Variants in RYR3 observed in about 807,000 individuals in gnomAD.
RYR3 encodes ryanodine receptor 3.
In RYR3, 207 loss-of-function variants were observed where a neutral mutation model predicts 584.3. The ratio of observed to expected loss-of-function variants is 0.35; its 90% CI spans 0.32 to 0.40. The LOEUF is 0.40. Among genes scored for constraint, RYR3 ranks in the 10% least tolerant of loss-of-function variants. RYR3 has a pLI of 1.00. For synonymous variants in RYR3, 2,416 were observed against 2,248.5 expected (o/e 1.07, Z -2.11); for missense variants, 5,616 against 6,089.2 (o/e 0.92, Z 2.59).
chr15:33,317,349 G>A (rs1479978289), intron 1 of RYR3, among the ~76,000 whole-genome samples: 1 of 152,166 alleles, frequency 6.6e-6, no homozygotes, highest in Non-Finnish European at 1.5e-5. Flanking sequence ...CCCGGATGAA[G>A]CAGATGCTTC....
chr15:33,641,325 C>A (rs1278753707), intron 27 of RYR3, among the ~76,000 whole-genome samples: 1 of 152,204 alleles, frequency 6.6e-6, no homozygotes, highest in Non-Finnish European at 1.5e-5. Flanking sequence ...GTCTCAGTTT[C>A]CTCATCTGTA....
In RYR3 at chr15:33,504,073, G is replaced by C. The variant is rs1374545966; in HGVS notation, c.279+335G>C. Reference sequence around the variant, plus strand: ...GTCTTGAGATTGAGCATGCCTGTGAGGCAGTTTCTTTTTCCTTGGAAAAAC... The same window carrying C: ...GTCTTGAGATTGAGCATGCCTGTGACGCAGTTTCTTTTTCCTTGGAAAAAC... On this transcript the variant is annotated intron_variant, in intron 3 of 103. Coordinates refer to ENST00000634891, the MANE Select transcript of RYR3 (RefSeq NM_001036.6). Among the ~76,000 whole-genome samples, 4 of 152,206 alleles carry C rather than the reference G, an allele frequency of 2.6e-5. No individual in the cohort carries two copies. In the South Asian group the frequency reaches 8.3e-4, roughly 31 times the overall value.
chr15:33,661,139 G>T (rs2063136982), intron 34 of RYR3, among the ~76,000 whole-genome samples: 1 of 152,274 alleles, frequency 6.6e-6, no homozygotes, highest in East Asian at 1.9e-4. Flanking sequence ...TGGCAGGAAA[G>T]GGGCAGAAAA....
intron 1 of RYR3, among the ~76,000 whole-genome samples, chr15:33,362,269 A>G (rs1974872049): frequency 6.6e-6 from 1 of 152,072 alleles, no homozygotes; most frequent in African/African-American, 2.4e-5. Flanking sequence ...TGTGATCCAA[A>G]ATGAACAGCC....
chr15:33,409,453 G>C (rs1173699803), intron 1 of RYR3, among the ~76,000 whole-genome samples: 1 of 151,916 alleles, frequency 6.6e-6, no homozygotes. Flanking sequence ...GTGAACTCTG[G>C]CTGTCTTGGG....
At chr15:33,478,356 C>T (rs1291228096) in intron 2 of RYR3, among the ~76,000 whole-genome samples, 1 of 152,166 alleles carries the variant, frequency 6.6e-6, no homozygotes, top group South Asian at 2.1e-4. Context: ...TGAGAGTCAC[C>T]ATGGCTTAAA....
intron 45 of RYR3, among the ~76,000 whole-genome samples, chr15:33,725,737 A>G (rs944776489): frequency 3.3e-5 from 5 of 151,294 alleles, no homozygotes; most frequent in South Asian, 2.1e-4. Flanking sequence ...AGATGGGCAG[A>G]TCACGAGGTC....
chr15:33,644,258 T>C (rs2152671526), intron 27 of RYR3, 53 bp from the exon 28 acceptor site: 1 of 1,467,570 alleles, frequency 6.8e-7, no homozygotes, highest in South Asian at 1.2e-5. Context: ...TGCCTCGGAG[T>C]TTCCTGGGAT....
At chr15:33,438,823 A>G (rs2045960921) in intron 1 of RYR3, among the ~76,000 whole-genome samples, 1 of 152,240 alleles carries the variant, frequency 6.6e-6, no homozygotes, top group African/African-American at 2.4e-5. Flanking sequence ...ACTCTATTGC[A>G]CATTATTATT....
Position 33,539,477 on chromosome 15 carries a change from A to T in RYR3, c.546+15A>T. ...AAAGATACCTTGTAAGTACCTCATA[A>T]TATAAGAGTCTTCTGTTTTCAGAAA... On this transcript the variant is annotated intron_variant, in intron 6 of 103. Coordinates refer to ENST00000634891, the MANE Select transcript of RYR3 (RefSeq NM_001036.6). 2.7e-6 allele frequency: 4 copies of T among 1,483,848 alleles called. No homozygotes were observed. The highest frequency in any genetic ancestry group is 3.7e-6 in the Non-Finnish European group (4 of 1,077,492). 91.9% of individuals were successfully genotyped at this position (1,483,848 alleles called of 1,614,324 possible).
intron 1 of RYR3, among the ~76,000 whole-genome samples, chr15:33,426,253 C>T (rs1326078842): frequency 6.6e-6 from 1 of 152,124 alleles, no homozygotes; most frequent in Non-Finnish European, 1.5e-5. Context: ...ACTTTGATTT[C>T]AATACTTTGA....
At chr15:33,451,574 A>G (rs2047136790) in intron 1 of RYR3, among the ~76,000 whole-genome samples, 1 of 152,228 alleles carries the variant, frequency 6.6e-6, no homozygotes, top group South Asian at 2.1e-4. Context: ...CGTCTGCAGC[A>G]GCGTGCCAGA....
intron 87 of RYR3, among the ~76,000 whole-genome samples, chr15:33,836,512 T>C (rs1001234437): frequency 6.6e-6 from 1 of 152,164 alleles, no homozygotes; most frequent in African/African-American, 2.4e-5. Context: ...GATTATAACC[T>C]TGATACCTTT....
intron 57 of RYR3, among the ~76,000 whole-genome samples, chr15:33,751,740 C>A (rs1004546705): frequency 6.6e-6 from 1 of 151,994 alleles, no homozygotes; most frequent in South Asian, 2.1e-4. Context: ...TTTAATTAGA[C>A]CCCATTTGTC....
chr15:33,495,289 C>A (rs764341968), intron 2 of RYR3, among the ~76,000 whole-genome samples: 54 of 152,092 alleles, frequency 3.6e-4, no homozygotes, highest in Non-Finnish European at 7.1e-4. Context: ...ATTGTACAAC[C>A]TTGGGATAGG....
At chr15:33,347,675 C>A (rs1051641559) in intron 1 of RYR3, among the ~76,000 whole-genome samples, 8 of 152,118 alleles carry the variant, frequency 5.3e-5, no homozygotes, top group Non-Finnish European at 5.9e-5. Context: ...TCTTGATCTC[C>A]TGACCTCGTG....
intron 74 of RYR3, among the ~76,000 whole-genome samples, chr15:33,814,259 G>A (rs986074867): frequency 6.6e-6 from 1 of 152,154 alleles, no homozygotes. Context: ...TGGTGATGTG[G>A]TGACATTCCT....
chr15:33,339,407 G>C (rs1256055383), intron 1 of RYR3, among the ~76,000 whole-genome samples: 1 of 152,220 alleles, frequency 6.6e-6, no homozygotes, highest in East Asian at 1.9e-4. Context: ...TTTAGTCCAG[G>C]CAAGAGATGA....
chr15:33,728,730 A>G (rs2068676544), intron 46 of RYR3, 127 bp from the exon 47 acceptor site: 1 of 841,424 alleles, frequency 1.2e-6, no homozygotes. Flanking sequence ...GAGATGCTCA[A>G]TCTGTATTTT....
Sources: gnomAD v4.1 joint callset for allele counts (sites outside exome capture counted in the v4.1 genomes callset) on GRCh38, gnomAD v4.1.1 for gene constraint, MANE v1.5 for transcripts, NCBI Gene and HGNC (gene_info 2026-07-23, HGNC 2026-07-21) for gene names.